Variants in GPT2 observed in about 807,000 individuals in gnomAD.
The protein encoded by GPT2 is alanine aminotransferase 2.
GPT2 carries 30 observed loss-of-function variants against 56.9 expected under a neutral mutation model. The observed-to-expected ratio is 0.53, with a 90% CI of 0.39 to 0.72. GPT2 has a LOEUF of 0.72. Among genes scored for constraint, GPT2 ranks in the 30% least tolerant of loss-of-function variants. The probability of loss-of-function intolerance (pLI) is 0.00; values close to 1 mark genes in which losing one functional copy is unlikely to be tolerated. For synonymous variants in GPT2, 271 were observed against 283.1 expected, an observed-to-expected ratio of 0.96 and a Z score of 0.43; for missense variants, 542 against 703.4, an observed-to-expected ratio of 0.77 and a Z score of 2.60.
Position 46,925,462 on chromosome 16 carries a change from C to A in GPT2, c.1368+918C>A, listed in dbSNP as rs576647764. 1.5e-4 allele frequency among the ~76,000 whole-genome samples: 23 copies of A among 152,112 alleles called. No individual in the cohort carries two copies. The East Asian group carries it at 4.3e-3, about 28-fold the overall frequency. On this transcript the variant is annotated intron_variant, in intron 10 of 11. Coordinates refer to ENST00000340124, the MANE Select transcript of GPT2 (RefSeq NM_133443.4). ...GGTGTCGATCTCCTGACCTTGTGAT[C>A]TGCCCACCTCGGCCTCCTGAGTACC...
chr16:46,906,565 G>T (rs778941797), intron 4 of GPT2, among the ~76,000 whole-genome samples: 5 of 152,152 alleles, frequency 3.3e-5, no homozygotes, highest in Non-Finnish European at 7.4e-5. Context: ...AATGTGTAAC[G>T]CATAGTAGGT....
chr16:46,885,080 C>G (rs1291567193), intron 2 of GPT2, 122 bp downstream of exon 2: 1 of 1,350,500 alleles, frequency 7.4e-7, no homozygotes, highest in Non-Finnish European at 9.5e-7. Flanking sequence ...GTCAGCCAAG[C>G]CTGGCTAAAA....
intron 7 of GPT2, among the ~76,000 whole-genome samples, chr16:46,917,730 A>G (rs1183569732): frequency 6.6e-6 from 1 of 151,986 alleles, no homozygotes; most frequent in South Asian, 2.1e-4. Flanking sequence ...ACATATACAT[A>G]TGTACATACA....
rs1369681439 is a variant in GPT2, at chr16:46,930,546, A to ATGT, written c.*1550_*1551insGTT. The ATGT allele has an allele frequency of 9.9e-5, 15 of 152,284 alleles. No individual in the cohort carries two copies. Among genetic ancestry groups the ATGT allele is most frequent in the Non-Finnish European group, 2.1e-4 (14 of 68,046 alleles). The allele number at this position is 152,284 out of a possible 1,614,324, so 9.4% of individuals were successfully genotyped here. ...ATGAAGAAAGTAGCCACAATCTCAAATAACAAAAGGGAATGTTCTAAAACT... is the reference window on the plus strand; with the variant it reads ...ATGAAGAAAGTAGCCACAATCTCAAATGTTAACAAAAGGGAATGTTCTAAAACT... On this transcript the variant is annotated 3_prime_UTR_variant, in exon 12 of 12. Coordinates refer to ENST00000340124, the MANE Select transcript of GPT2 (RefSeq NM_133443.4).
chr16:46,905,827 A>G (rs1340110648), intron 4 of GPT2, among the ~76,000 whole-genome samples: 4 of 152,100 alleles, frequency 2.6e-5, no homozygotes, highest in East Asian at 3.9e-4. Context: ...ACACTCTCTC[A>G]TGGGTCTTTC....
rs1299145896 is a variant in GPT2, at chr16:46,929,852, C to G, written c.*855C>G. 3.3e-5 allele frequency: 5 copies of G among 152,374 alleles called. No homozygotes were observed. The highest frequency in any genetic ancestry group is 1.2e-4 in the African/African-American group (5 of 41,460). 9.4% of individuals were successfully genotyped at this position (152,374 alleles called of 1,614,324 possible). A position where few individuals can be genotyped will look rare whatever the true frequency, so the allele number is the denominator to read the frequency against. ...GGTGTGGACCCATCCCGCGGGTGAC[C>G]GGTGCCTGTTCTCCCCTGACCGAGC... On this transcript the variant is annotated 3_prime_UTR_variant, in exon 12 of 12. Coordinates refer to ENST00000340124, the MANE Select transcript of GPT2 (RefSeq NM_133443.4).
chr16:46,891,489 C>T (rs1171666338), intron 2 of GPT2, among the ~76,000 whole-genome samples: 2 of 151,796 alleles, frequency 1.3e-5, no homozygotes, highest in Non-Finnish European at 2.9e-5. Context: ...CTGCAATCTC[C>T]ACCTCCTGAC....
chr16:46,894,751 C>G (rs1960650537), intron 2 of GPT2, among the ~76,000 whole-genome samples: 2 of 152,084 alleles, frequency 1.3e-5, no homozygotes, highest in Non-Finnish European at 2.9e-5. Flanking sequence ...CTGCAAGCTC[C>G]GCCTCCCAGC....
rs921441953 is a variant in GPT2 at position 46,924,129 on chromosome 16, C to T, written c.1213-260C>T. 4 of 499,850 alleles carry T rather than the reference C, an allele frequency of 8.0e-6. No homozygotes were observed. In the Admixed American group the frequency reaches 8.1e-5, roughly 10 times the overall value. 31.0% of individuals were successfully genotyped at this position (499,850 alleles called of 1,614,324 possible). On this transcript the variant is annotated intron_variant, in intron 9 of 11. Transcript: ENST00000340124. ...TTTGCTGTGCTCAGGCTCACACAAG[C>T]TCTTCTTTGGTCAGTCTGTCTGATA...
chr16:46,885,175 T>G (rs1053226298), intron 2 of GPT2: 5 of 1,282,280 alleles, frequency 3.9e-6, no homozygotes, highest in South Asian at 2.7e-5. Flanking sequence ...GTTCACTTGT[T>G]GAATTGAATT....
chr16:46,900,507 A>G (rs949307313), intron 3 of GPT2, among the ~76,000 whole-genome samples, 175 bp from the exon 4 acceptor site: 3 of 152,170 alleles, frequency 2.0e-5, no homozygotes, highest in African/African-American at 7.2e-5. Flanking sequence ...CTTCTGCTGC[A>G]GAGAGCCCAG....
At chr16:46,887,450 A>G (rs1355618612) in intron 2 of GPT2, among the ~76,000 whole-genome samples, 1 of 152,206 alleles carries the variant, frequency 6.6e-6, no homozygotes, top group Non-Finnish European at 1.5e-5. Flanking sequence ...CAGAGCTCAG[A>G]GCGAGACTCC....
At chr16:46,926,868 G>A in intron 10 of GPT2, 57 bp from the exon 11 acceptor site, 5 of 1,190,764 alleles carry the variant, frequency 4.2e-6, no homozygotes, top group Non-Finnish European at 5.8e-6. Context: ...GGCTTTGAGG[G>A]TTGAATGGTG....
In GPT2 at chr16:46,929,093, C is replaced by A; in HGVS notation, c.*96C>A. On this transcript the variant is annotated 3_prime_UTR_variant, in exon 12 of 12. Coordinates refer to ENST00000340124, the MANE Select transcript of GPT2 (RefSeq NM_133443.4). Reference sequence around the variant, plus strand: ...TCCCCCGTGACTCTGCCTCGGGCCTCGCAGAGGCCGCTGGTCACTTCGTCA... The same window carrying A: ...TCCCCCGTGACTCTGCCTCGGGCCTAGCAGAGGCCGCTGGTCACTTCGTCA... 1 of 888,318 alleles carries A rather than the reference C, an allele frequency of 1.1e-6. No homozygotes were observed. Among genetic ancestry groups the A allele is most frequent in the East Asian group, 2.5e-5 (1 of 40,222 alleles). 55.0% of individuals were successfully genotyped at this position (888,318 alleles called of 1,614,324 possible).
At chr16:46,886,304 C>T (rs576379730) in intron 2 of GPT2, among the ~76,000 whole-genome samples, 9 of 152,214 alleles carry the variant, frequency 5.9e-5, no homozygotes, top group Non-Finnish European at 1.2e-4. Flanking sequence ...CTGGGATTAA[C>T]GCGTTCCTGG....
Position 46,909,834 on chromosome 16 carries a change from C to A in GPT2, c.727C>A (p.Leu243Met), listed in dbSNP as rs1036522382. The change falls in exon 6 of 12, where the codon CTG becomes ATG. Residue 243 changes from leucine to methionine, a missense_variant. Leu to Met is a conservative substitution (Grantham distance 15). Transcript: ENST00000340124. ...YYLDEENCWA[L>M]NVNELRRAVQ... is the part of the protein sequence containing the mutation. ...CCTGGACGAGGAGAACTGCTGGGCG[C>A]TGAATGTGAATGAGCTCCGGCGGGC... is the stretch of plus-strand genomic sequence containing the variant. 3 of 1,614,036 alleles carry A rather than the reference C, an allele frequency of 1.9e-6. No individual in the cohort carries two copies. The highest frequency in any genetic ancestry group is 2.2e-5 in the East Asian group (1 of 44,882).
At chr16:46,911,912 A>G (rs369692130) in intron 6 of GPT2, among the ~76,000 whole-genome samples, 23 of 152,350 alleles carry the variant, frequency 1.5e-4, no homozygotes, top group East Asian at 9.6e-4. Flanking sequence ...TCATTGTACC[A>G]GAGAAGTCTC....
intron 2 of GPT2, among the ~76,000 whole-genome samples, chr16:46,896,950 C>G (rs935377045): frequency 6.6e-6 from 1 of 152,260 alleles, no homozygotes; most frequent in East Asian, 1.9e-4. Context: ...GTAACCCCAA[C>G]ACTTTGGGAG....
intron 6 of GPT2, among the ~76,000 whole-genome samples, chr16:46,910,188 C>CAAT (rs1463913052): frequency 2.0e-5 from 3 of 152,044 alleles, no homozygotes; most frequent in Non-Finnish European, 4.4e-5. Context: ...GGAGACCAGC[C>CAAT]TGGCCAACAT....
Sources: allele counts gnomAD v4.1 joint callset (sites outside exome capture counted in the v4.1 genomes callset), GRCh38; gene constraint gnomAD v4.1.1; transcripts MANE v1.5; gene names NCBI Gene and HGNC (gene_info 2026-07-23, HGNC 2026-07-21).